IMMP2L: variants seen among roughly 807,000 people sequenced by gnomAD.
IMMP2L encodes mitochondrial inner membrane protease subunit 2.
Under a neutral mutation model 19.3 loss-of-function variants are expected in IMMP2L, and 18 were observed. The observed-to-expected ratio is 0.93, with a 90% confidence interval of 0.64 to 1.38. The LOEUF is 1.38. IMMP2L is among the 40% of genes most tolerant of loss of function. The pLI is 0.00. For missense variants in IMMP2L, 233 were observed against 218.2 expected (o/e 1.07, Z -0.43); for synonymous variants, 76 against 73.0 (o/e 1.04, Z -0.21).
intron 3 of IMMP2L, among the ~76,000 whole-genome samples, chr7:111,341,201 T>G (rs1161551239): frequency 6.6e-6 from 1 of 152,140 alleles, no homozygotes; most frequent in East Asian, 1.9e-4. Flanking sequence ...TAATCAATCT[T>G]TAATACAACC....
intron 3 of IMMP2L, among the ~76,000 whole-genome samples, chr7:111,468,268 C>T (rs541926388): frequency 6.6e-6 from 1 of 152,032 alleles, no homozygotes; most frequent in South Asian, 2.1e-4. Context: ...CTCATTGTTA[C>T]CTGGATGTTA....
intron 3 of IMMP2L, among the ~76,000 whole-genome samples, chr7:111,340,700 G>C (rs1475054174): frequency 6.6e-6 from 1 of 152,012 alleles, no homozygotes; most frequent in Non-Finnish European, 1.5e-5. Context: ...CTATTAACAA[G>C]AGGATGGAAA....
At chr7:111,242,261 G>A (rs937151004) in intron 3 of IMMP2L, among the ~76,000 whole-genome samples, 6 of 151,954 alleles carry the variant, frequency 3.9e-5, no homozygotes, top group South Asian at 2.1e-4. Flanking sequence ...CCTTTTAGAC[G>A]CCGATTTTAA....
At chr7:111,306,616 G>A (rs1333809261) in intron 3 of IMMP2L, among the ~76,000 whole-genome samples, 1 of 105,468 alleles carries the variant, frequency 9.5e-6, no homozygotes, top group African/African-American at 5.1e-5. Flanking sequence ...CTGTGTGTGT[G>A]TGTGTGTGTG....
At chr7:110,674,778 T>G (rs1406740597) in intron 5 of IMMP2L, among the ~76,000 whole-genome samples, 1 of 152,194 alleles carries the variant, frequency 6.6e-6, no homozygotes, top group African/African-American at 2.4e-5. Flanking sequence ...AAACTCATCT[T>G]CATGATTTCT....
At chr7:111,374,845 C>A (rs1830544687) in intron 3 of IMMP2L, among the ~76,000 whole-genome samples, 1 of 152,140 alleles carries the variant, frequency 6.6e-6, no homozygotes, top group Non-Finnish European at 1.5e-5. Context: ...ACAGCTATCA[C>A]ATTGCTGAGG....
At chr7:111,550,613 T>TA (rs1563346470) in intron 1 of IMMP2L, among the ~76,000 whole-genome samples, 3 of 151,932 alleles carry the variant, frequency 2.0e-5, no homozygotes, top group Admixed American at 6.6e-5. Flanking sequence ...CAAAAGACCC[T>TA]AAAAAAAAGT....
At chr7:110,819,636 G>A (rs1392703866) in intron 5 of IMMP2L, among the ~76,000 whole-genome samples, 1 of 151,932 alleles carries the variant, frequency 6.6e-6, no homozygotes, top group Non-Finnish European at 1.5e-5. Context: ...AAACCACACA[G>A]TATGAATTCT....
intron 3 of IMMP2L, among the ~76,000 whole-genome samples, chr7:110,970,163 T>C (rs560372398): frequency 4.5e-4 from 68 of 152,244 alleles, no homozygotes; most frequent in Admixed American, 8.5e-4. Flanking sequence ...ACTTCTATAA[T>C]TGAAAAGAGC....
At chr7:110,922,359 T>C (rs537650598) in intron 4 of IMMP2L, among the ~76,000 whole-genome samples, 2 of 152,312 alleles carry the variant, frequency 1.3e-5, no homozygotes, top group African/African-American at 2.4e-5. Context: ...CAATTGTCTA[T>C]TATGTTCTGT....
At chr7:111,507,683 G>C (rs1180138648) in intron 2 of IMMP2L, among the ~76,000 whole-genome samples, 1 of 151,916 alleles carries the variant, frequency 6.6e-6, no homozygotes, top group African/African-American at 2.4e-5. Flanking sequence ...ACCAATTTTT[G>C]TTTCAGTTAT....
intron 3 of IMMP2L, among the ~76,000 whole-genome samples, chr7:111,035,400 C>T (rs1439702103): frequency 2.0e-5 from 3 of 152,104 alleles, no homozygotes; most frequent in Non-Finnish European, 4.4e-5. Context: ...CAAATATGGA[C>T]AACATAACCT....
chr7:111,461,442 A>C (rs1347497204), intron 3 of IMMP2L, among the ~76,000 whole-genome samples: 1 of 152,054 alleles, frequency 6.6e-6, no homozygotes, highest in South Asian at 2.1e-4. Flanking sequence ...TCTAGCAAAG[A>C]TGAAAGTATT....
intron 3 of IMMP2L, among the ~76,000 whole-genome samples, chr7:111,458,115 A>G (rs1839829369): frequency 6.6e-6 from 1 of 152,202 alleles, no homozygotes; most frequent in Admixed American, 6.5e-5. Context: ...ACGGTGGTTC[A>G]CGCCTGTAAT....
chr7:110,926,172 G>A (rs2129551091), intron 4 of IMMP2L, among the ~76,000 whole-genome samples: 1 of 152,056 alleles, frequency 6.6e-6, no homozygotes, highest in East Asian at 1.9e-4. Flanking sequence ...AATTGTTTAA[G>A]TATATAATTG....
chr7:111,154,905 G>A (rs1804477480), intron 3 of IMMP2L, among the ~76,000 whole-genome samples: 1 of 151,948 alleles, frequency 6.6e-6, no homozygotes, highest in Admixed American at 6.6e-5. Flanking sequence ...CTACAGCCCT[G>A]CCCCACTATG....
At chr7:111,000,124 A>G (rs930602332) in intron 3 of IMMP2L, among the ~76,000 whole-genome samples, 7 of 152,110 alleles carry the variant, frequency 4.6e-5, no homozygotes, top group African/African-American at 1.7e-4. Context: ...CTGCCAGATA[A>G]TTCTATTCTG....
chr7:111,101,886 A>G (rs951997024), intron 3 of IMMP2L, among the ~76,000 whole-genome samples: 1 of 151,534 alleles, frequency 6.6e-6, no homozygotes, highest in Non-Finnish European at 1.5e-5. Flanking sequence ...CAGTCAGGTG[A>G]TATCTGTAGA....
At chr7:111,435,563 A>C (rs1837076891) in intron 3 of IMMP2L, among the ~76,000 whole-genome samples, 1 of 151,850 alleles carries the variant, frequency 6.6e-6, no homozygotes, top group Admixed American at 6.6e-5. Context: ...TTTAAAAATT[A>C]CCTATTGGGT....
Sources: allele counts gnomAD v4.1 joint callset (sites outside exome capture counted in the v4.1 genomes callset), GRCh38; gene constraint gnomAD v4.1.1; transcripts MANE v1.5; gene names NCBI Gene and HGNC (gene_info 2026-07-23, HGNC 2026-07-21).